Variants in KIF13A observed in about 807,000 individuals in gnomAD.
KIF13A encodes kinesin family member 13A, also known as kinesin-like protein KIF13A.
In KIF13A, 79 loss-of-function variants were observed where a neutral mutation model predicts 212.2. The ratio of observed to expected loss-of-function variants is 0.37; its 90% CI spans 0.31 to 0.45. The LOEUF is 0.45. Ranked by LOEUF, KIF13A falls within the 20% of genes least tolerant of loss-of-function variation. The probability of loss-of-function intolerance (pLI) is 1.00; values close to 1 mark genes in which losing one functional copy is unlikely to be tolerated. For synonymous variants in KIF13A, 789 were observed against 808.6 expected, an observed-to-expected ratio of 0.98 and a Z score of 0.41; for missense variants, 1,901 against 2,209.0, an observed-to-expected ratio of 0.86 and a Z score of 2.79.
At chr6:17,765,278 A>G (rs1056236336) in intron 38 of KIF13A, among the ~76,000 whole-genome samples, 2 of 152,242 alleles carry the variant, frequency 1.3e-5, no homozygotes, top group African/African-American at 4.8e-5. Context: ...TTAGTTATTC[A>G]AAATTAGCTT....
At chr6:17,779,433 C>T (rs1295647850) in intron 32 of KIF13A, among the ~76,000 whole-genome samples, 159 bp downstream of exon 32, 2 of 151,176 alleles carry the variant, frequency 1.3e-5, no homozygotes, top group Non-Finnish European at 3.0e-5. Context: ...CCACCATGCC[C>T]AGCTAATTTT....
rs1781683261 is a variant in KIF13A at position 17,987,523 on chromosome 6, C to T, written c.-60G>A. The stretch of plus-strand genomic sequence containing the variant: ...GCTCGGCCTTAGGCGGCCCCTCACG[C>T]GCGGCGCCGCCGCCGCTGCAGCCGC... On this transcript the variant is annotated 5_prime_UTR_variant, in exon 1 of 39. Transcript: ENST00000259711. This position sits in a 1 kb window ranked among gnomAD's most constrained non-coding sequence, Gnocchi z 7.7. The T allele has an allele frequency of 4.2e-6, 4 of 955,298 alleles. No individual in the cohort carries two copies. The highest frequency in any genetic ancestry group is 1.8e-5 in the African/African-American group (1 of 55,808). 59.2% of individuals were successfully genotyped at this position (955,298 alleles called of 1,614,324 possible). A position where few individuals can be genotyped will look rare whatever the true frequency, so the allele number is the denominator to read the frequency against.
intron 2 of KIF13A, among the ~76,000 whole-genome samples, chr6:17,928,725 CAT>C (rs1218506656): frequency 6.6e-6 from 1 of 152,094 alleles, no homozygotes; most frequent in Non-Finnish European, 1.5e-5. Context: ...AGTAAGGTCA[CAT>C]GTGTTAAATG....
chr6:17,861,458 T>G (rs1483383080), intron 4 of KIF13A, among the ~76,000 whole-genome samples: 2 of 152,228 alleles, frequency 1.3e-5, no homozygotes, highest in Admixed American at 1.3e-4. Context: ...TTTCCTTTTA[T>G]TTTTCTGCAA....
At chr6:17,778,848 T>C in intron 33 of KIF13A, 99 bp downstream of exon 33, 1 of 1,373,970 alleles carries the variant, frequency 7.3e-7, no homozygotes, top group Non-Finnish European at 1.0e-6. Context: ...GCTCCTTCTC[T>C]GATAGATTTA....
chr6:17,767,547 GC>G (rs1268021100), intron 38 of KIF13A, among the ~76,000 whole-genome samples: 1 of 152,206 alleles, frequency 6.6e-6, no homozygotes, highest in Admixed American at 6.5e-5. Flanking sequence ...GAGCCACCAT[GC>G]CCGGCACAAA....
At chr6:17,977,207 G>A (rs914884311) in intron 2 of KIF13A, among the ~76,000 whole-genome samples, 2 of 151,392 alleles carry the variant, frequency 1.3e-5, no homozygotes, top group Admixed American at 6.6e-5. Context: ...CCCTCCAGGT[G>A]ATTCTGATGC....
chr6:17,837,690 GC>G lies in KIF13A; in HGVS notation c.831-108del. On this transcript the variant is annotated intron_variant, in intron 9 of 38. Coordinates refer to ENST00000259711, the MANE Select transcript of KIF13A (RefSeq NM_022113.6). The surrounding 1 kb of genome is among the most constrained non-coding windows in gnomAD (Gnocchi z 5.4). ...CAGTTAATACACGTTGGTGGCTCAC[GC>G]CCGTAATCCCAGCACTTTGGGAGGC... The G allele has an allele frequency of 1.3e-6, 1 of 769,566 alleles. No homozygotes were observed. Among genetic ancestry groups the G allele is most frequent in the Admixed American group, 2.4e-5 (1 of 41,204 alleles). 47.7% of individuals were successfully genotyped at this position (769,566 alleles called of 1,614,324 possible).
intron 2 of KIF13A, among the ~76,000 whole-genome samples, chr6:17,920,867 ATGTCTC>A (rs1775008471): frequency 6.7e-6 from 1 of 148,466 alleles, no homozygotes; most frequent in Non-Finnish European, 1.5e-5. Context: ...GGGCAGGACT[ATGTCTC>A]AAAAAAAAAA....
In KIF13A at chr6:17,829,439, A is replaced by G. The variant is rs557552085; in HGVS notation, c.1402-1069T>C. Among the ~76,000 whole-genome samples the G allele has an allele frequency of 7.9e-5, 12 of 152,236 alleles. No individual in the cohort carries two copies. Among genetic ancestry groups the G allele is most frequent in the Non-Finnish European group, 1.5e-4 (10 of 68,006 alleles). On this transcript the variant is annotated intron_variant, in intron 13 of 38. Transcript: ENST00000259711. This position sits in a 1 kb window ranked among gnomAD's most constrained non-coding sequence, Gnocchi z 5.4. Reference sequence around the variant, plus strand: ...GAAAGGTTCTCAGAGACCCCAGATCACACTTTTAGAACTGCTTGCTTACAC... The same window carrying G: ...GAAAGGTTCTCAGAGACCCCAGATCGCACTTTTAGAACTGCTTGCTTACAC...
At chr6:17,791,771 G>A (rs935472281) in intron 25 of KIF13A, among the ~76,000 whole-genome samples, 12 of 151,140 alleles carry the variant, frequency 7.9e-5, no homozygotes, top group Non-Finnish European at 1.3e-4. Context: ...GTGGTGGTGC[G>A]GGCCTGTAAT....
At chr6:17,863,743 TG>T (rs2150418381) in intron 4 of KIF13A, among the ~76,000 whole-genome samples, 1 of 152,316 alleles carries the variant, frequency 6.6e-6, no homozygotes, top group Non-Finnish European at 1.5e-5. Flanking sequence ...AACCCTCATA[TG>T]GTCTCTTGAA....
At chr6:17,894,661 C>T (rs1772399566) in intron 3 of KIF13A, among the ~76,000 whole-genome samples, 1 of 152,090 alleles carries the variant, frequency 6.6e-6, no homozygotes, top group Non-Finnish European at 1.5e-5. Context: ...AACTGATGAA[C>T]CAATATTGAT....
intron 2 of KIF13A, among the ~76,000 whole-genome samples, chr6:17,933,619 A>T (rs1303008047): frequency 6.6e-6 from 1 of 152,104 alleles, no homozygotes; most frequent in East Asian, 1.9e-4. Context: ...GAATGATCAA[A>T]CCAACAATTT....
chr6:17,849,439 G>A lies in KIF13A; in HGVS notation c.768C>T (p.Ser256=), dbSNP rs765419655. The change falls in exon 9 of 39, where the codon AGC becomes AGT. Residue 256 remains serine (S), a synonymous_variant. Transcript: ENST00000259711. This position sits in a 1 kb window ranked among gnomAD's most constrained non-coding sequence, Gnocchi z 5.7. ...SKVSLVDLAG[S]ERVSKTGAAG... ...CAGCTCCTGTTTTAGATACTCTTTC[G>A]CTACCCGCCAGGTCTACCAAGCTGA... The A allele has an allele frequency of 1.1e-5, 17 of 1,613,562 alleles. No individual in the cohort carries two copies. Among genetic ancestry groups the A allele is most frequent in the South Asian group, 2.2e-5 (2 of 91,008 alleles).
chr6:17,821,766 A>G lies in KIF13A; in HGVS notation c.1786+4002T>C, dbSNP rs576259417. On this transcript the variant is annotated intron_variant, in intron 16 of 38. Coordinates refer to ENST00000259711, the MANE Select transcript of KIF13A (RefSeq NM_022113.6). ...AAAACCAGCCAAGCTCCCTCATGCC[A>G]ATGCCAATCAGTTAAAAACCTTTAT... The G allele has an allele frequency of 2.0e-6, 3 of 1,535,068 alleles. No individual in the cohort carries two copies. The South Asian group carries it at 3.6e-5, about 18-fold the overall frequency.
chr6:17,817,296 G>A (rs1188736056), intron 16 of KIF13A, 63 bp from the exon 17 acceptor site: 1 of 1,441,770 alleles, frequency 6.9e-7, no homozygotes, highest in African/African-American at 1.4e-5. Context: ...TTCATGCCAG[G>A]CACTGCAGCC....
intron 3 of KIF13A, among the ~76,000 whole-genome samples, chr6:17,891,664 A>C (rs1029719919): frequency 1.3e-5 from 2 of 152,124 alleles, no homozygotes; most frequent in Admixed American, 6.6e-5. Context: ...AGGCTGAGGC[A>C]GGAGGATTGC....
In KIF13A at chr6:17,914,192, C is replaced by T. The variant is rs1261899142; in HGVS notation, c.147-16012G>A. 6.6e-6 allele frequency among the ~76,000 whole-genome samples: 1 copy of T among 152,164 alleles called. No homozygotes were observed. The highest frequency in any genetic ancestry group is 1.5e-5 in the Non-Finnish European group (1 of 68,034). On this transcript the variant is annotated intron_variant, in intron 2 of 38. Transcript: ENST00000259711. The surrounding 1 kb of genome is among the most constrained non-coding windows in gnomAD (Gnocchi z 5.9). ...GAAGGCAAATCTCAAGTACCCATTA[C>T]TAAATGCCAGAATAAGTGAAACATT... is the stretch of plus-strand genomic sequence containing the variant.
Sources: allele counts gnomAD v4.1 joint callset (sites outside exome capture counted in the v4.1 genomes callset), GRCh38; gene constraint gnomAD v4.1.1; non-coding constraint Gnocchi (gnomAD v3.1); transcripts MANE v1.5; gene names NCBI Gene and HGNC (gene_info 2026-07-23, HGNC 2026-07-21).